Variants in CAB39L observed in about 807,000 individuals in gnomAD.
The protein encoded by CAB39L is calcium binding protein 39 like.
A neutral mutation model predicts 39.1 loss-of-function variants in CAB39L; 23 were observed. That is an observed-to-expected ratio of 0.59 (90% confidence interval 0.42 to 0.83). The LOEUF is 0.83. Among genes scored for constraint, CAB39L ranks in the 40% least tolerant of loss-of-function variants. CAB39L has a pLI of 0.00. For missense variants in CAB39L, 366 were observed against 391.9 expected (o/e 0.93, Z 0.56); for synonymous variants, 126 against 137.2 (o/e 0.92, Z 0.57).
At chr13:49,419,949 A>G (rs1329409417) in intron 3 of CAB39L, among the ~76,000 whole-genome samples, 1 of 152,224 alleles carries the variant, frequency 6.6e-6, no homozygotes, top group Non-Finnish European at 1.5e-5. Context: ...AGAATCAATA[A>G]ACAGTAAATA....
intron 6 of CAB39L, chr13:49,351,138 A>C: frequency 9.2e-4 from 220 of 238,996 alleles, no homozygotes; most frequent in East Asian, 2.8e-3. Flanking sequence ...AAATATGAAC[A>C]TGGTGACAGC....
At chr13:49,397,463 AC>A (rs557538615) in intron 3 of CAB39L, among the ~76,000 whole-genome samples, 12 of 152,252 alleles carry the variant, frequency 7.9e-5, no homozygotes, top group African/African-American at 2.9e-4. Flanking sequence ...TATAAGAGAA[AC>A]TCATGTCCCT....
intron 1 of CAB39L, 122 bp from the exon 2 acceptor site, chr13:49,434,345 G>A: frequency 8.6e-6 from 3 of 348,334 alleles, no homozygotes; most frequent in Non-Finnish European, 1.7e-5. Flanking sequence ...TGAACCTAGT[G>A]GGAAAATAAG....
At chr13:49,391,297 A>G (rs892296608) in intron 3 of CAB39L, among the ~76,000 whole-genome samples, 1 of 152,214 alleles carries the variant, frequency 6.6e-6, no homozygotes, top group African/African-American at 2.4e-5. Context: ...TTACCTAAGG[A>G]CAAAGATGGT....
chr13:49,397,799 C>G (rs528290772), intron 3 of CAB39L, among the ~76,000 whole-genome samples: 88 of 152,118 alleles, frequency 5.8e-4, no homozygotes, highest in African/African-American at 2.0e-3. Flanking sequence ...TCAGTATTCT[C>G]AAAAACTGGT....
chr13:49,347,956 C>T (rs552940949), intron 7 of CAB39L, among the ~76,000 whole-genome samples: 5 of 152,132 alleles, frequency 3.3e-5, no homozygotes, highest in Admixed American at 2.0e-4. Flanking sequence ...CTCCGCCTCT[C>T]GTTAACTCCC....
intron 4 of CAB39L, 123 bp downstream of exon 4, chr13:49,382,677 A>C: frequency 1.6e-6 from 1 of 640,160 alleles, no homozygotes; most frequent in Non-Finnish European, 2.8e-6. Flanking sequence ...ACTTAAATCT[A>C]TTTATAGAGG....
At chr13:49,378,672 G>T (rs1245764508) in intron 4 of CAB39L, among the ~76,000 whole-genome samples, 1 of 59,414 alleles carries the variant, frequency 1.7e-5, no homozygotes. Flanking sequence ...GGGAAGTGAG[G>T]AGCCCCTCTG....
intron 3 of CAB39L, among the ~76,000 whole-genome samples, chr13:49,405,397 AT>A (rs1452678962): frequency 1.3e-5 from 2 of 152,236 alleles, no homozygotes; most frequent in Non-Finnish European, 2.9e-5. Flanking sequence ...GAGGGATTTC[AT>A]CAACCCAGAC....
Position 49,310,770 on chromosome 13 carries a change from T to C in CAB39L, c.*44A>G, listed in dbSNP as rs1195911794. ...TTCTGAAATGACACACTGTACAAACTGGACAAATGAGACGACTGACTGTGA... is the reference window on the plus strand; with the variant it reads ...TTCTGAAATGACACACTGTACAAACCGGACAAATGAGACGACTGACTGTGA... On this transcript the variant is annotated 3_prime_UTR_variant, in exon 11 of 11. Transcript: ENST00000409308. 5 of 1,593,690 alleles carry C rather than the reference T, an allele frequency of 3.1e-6. No homozygotes were observed. The highest frequency in any genetic ancestry group is 4.3e-6 in the Non-Finnish European group (5 of 1,168,032).
At chr13:49,419,331 T>C (rs924715147) in intron 3 of CAB39L, among the ~76,000 whole-genome samples, 2 of 152,242 alleles carry the variant, frequency 1.3e-5, no homozygotes, top group African/African-American at 4.8e-5. Context: ...AAAAGCTTAT[T>C]TTCCTCCTTT....
chr13:49,394,897 T>C (rs903007433), intron 3 of CAB39L, among the ~76,000 whole-genome samples: 13 of 152,118 alleles, frequency 8.5e-5, no homozygotes, highest in African/African-American at 3.1e-4. Flanking sequence ...GAATGTGAAA[T>C]AGAATGGAAA....
At chr13:49,443,677 C>T (rs1324516533) in intron 1 of CAB39L, among the ~76,000 whole-genome samples, 1 of 152,116 alleles carries the variant, frequency 6.6e-6, no homozygotes, top group Non-Finnish European at 1.5e-5. Context: ...AATGTTAAGG[C>T]ATCAAAGGCC....
chr13:49,419,513 G>C (rs1957138394), intron 3 of CAB39L, among the ~76,000 whole-genome samples: 1 of 152,186 alleles, frequency 6.6e-6, no homozygotes, highest in South Asian at 2.1e-4. Context: ...GGGAGGTCAA[G>C]GCTGCAGTGA....
At chr13:49,339,993 A>C (rs1954959256) in intron 8 of CAB39L, among the ~76,000 whole-genome samples, 1 of 152,220 alleles carries the variant, frequency 6.6e-6, no homozygotes, top group African/African-American at 2.4e-5. Context: ...ATTTTGAATA[A>C]AACTTCTAGT....
intron 3 of CAB39L, among the ~76,000 whole-genome samples, chr13:49,428,901 C>T (rs1006092075): frequency 6.6e-6 from 1 of 152,108 alleles, no homozygotes; most frequent in Admixed American, 6.6e-5. Context: ...TCAATGATTA[C>T]AATCACATAT....
intron 3 of CAB39L, among the ~76,000 whole-genome samples, chr13:49,406,126 G>A (rs562474338): frequency 6.6e-6 from 1 of 150,406 alleles, no homozygotes; most frequent in East Asian, 2.0e-4. Context: ...GCAATAATTT[G>A]TTGTACATTT....
intron 9 of CAB39L, 121 bp downstream of exon 9, chr13:49,339,556 C>G: frequency 9.3e-7 from 1 of 1,080,336 alleles, no homozygotes. Flanking sequence ...AAATACTTCT[C>G]AAGTTATTTA....
At chr13:49,355,651 A>G (rs1322311991) in intron 6 of CAB39L, among the ~76,000 whole-genome samples, 1 of 152,154 alleles carries the variant, frequency 6.6e-6, no homozygotes, top group Non-Finnish European at 1.5e-5. Context: ...GGGGCCACAG[A>G]TGGCCAATTG....
Sources: allele counts gnomAD v4.1 joint callset (sites outside exome capture counted in the v4.1 genomes callset), GRCh38; gene constraint gnomAD v4.1.1; transcripts MANE v1.5; gene names NCBI Gene and HGNC (gene_info 2026-07-23, HGNC 2026-07-21).